The following ZNF254 variants were observed in gnomAD, a reference collection of about 807,000 sequenced individuals.
ZNF254 encodes the protein zinc finger protein 254, also known as CTD-2017D11.1.
ZNF254 carries 10 observed loss-of-function variants against 12.4 expected under a neutral mutation model. The ratio of observed to expected loss-of-function variants is 0.80; its 90% CI spans 0.50 to 1.36. The LOEUF is 1.36. Ranked by LOEUF, ZNF254 falls within the 40% of genes most tolerant of loss-of-function variation. ZNF254 has a pLI of 0.00. For missense variants in ZNF254, 996 were observed against 763.9 expected (o/e 1.30, Z -3.58); for synonymous variants, 305 against 253.4 (o/e 1.20, Z -1.93).
intron 2 of ZNF254, among the ~76,000 whole-genome samples, chr19:24,054,567 C>T (rs1970769731): frequency 6.6e-6 from 1 of 152,144 alleles, no homozygotes; most frequent in South Asian, 2.1e-4. Flanking sequence ...GAGATTGTTT[C>T]TTATATGCAC....
At chr19:24,106,762 A>T (rs62114842) in intron 3 of ZNF254, 119 bp downstream of exon 3, 1 of 941,888 alleles carries the variant, frequency 1.1e-6, no homozygotes, top group East Asian at 3.3e-5. Flanking sequence ...TGGGAAGCCT[A>T]AATTTTTTTT....
chr19:24,081,509 A>G (rs564803435), intron 2 of ZNF254, among the ~76,000 whole-genome samples: 1 of 152,272 alleles, frequency 6.6e-6, no homozygotes, highest in South Asian at 2.1e-4. Context: ...GCATGACTCT[A>G]CTCATTTGGG....
At chr19:24,059,018 C>T (rs977315525) in intron 2 of ZNF254, among the ~76,000 whole-genome samples, 13 of 152,220 alleles carry the variant, frequency 8.5e-5, no homozygotes, top group Admixed American at 2.6e-4. Context: ...CTCCTCTCTT[C>T]TTTCTAGGTT....
chr19:24,115,174 GGTAGATACCCAAAGGACTATAAATCAT>G (rs1340941791), intron 3 of ZNF254, among the ~76,000 whole-genome samples: 1 of 151,960 alleles, frequency 6.6e-6, no homozygotes, highest in African/African-American at 2.4e-5. Context: ...CCCATTACTG[GGTAGATACCCAAAGGACTATAAATCAT>G]GCTGCTATAA....
intron 2 of ZNF254, chr19:24,066,384 T>C (rs1348516647): frequency 6.6e-6 from 1 of 152,208 alleles, no homozygotes; most frequent in Non-Finnish European, 1.5e-5. Flanking sequence ...TGATTCTTCT[T>C]TTAGGTTTGC....
At chr19:24,058,942 C>G (rs1970966822) in intron 2 of ZNF254, among the ~76,000 whole-genome samples, 1 of 152,236 alleles carries the variant, frequency 6.6e-6, no homozygotes, top group South Asian at 2.1e-4. Flanking sequence ...CTGCCTTTTA[C>G]TGCCTAGTTC....
Position 24,105,445 on chromosome 19 carries a change from A to G in ZNF254, c.31-495A>G, listed in dbSNP as rs981309484. ...CTTTTGGGGCCAAAACATTGGCATT[A>G]CTGGTGAGCTTGGTAGAGATTCATT... On this transcript the variant is annotated intron_variant, in intron 1 of 3. Transcript: ENST00000357002. The G allele has an allele frequency of 5.4e-5, 14 of 260,742 alleles. 1 individual carries two copies. In the South Asian group the frequency reaches 5.7e-4, roughly 11 times the overall value. 16.2% of individuals were successfully genotyped at this position (260,742 alleles called of 1,614,324 possible).
intron 2 of ZNF254, among the ~76,000 whole-genome samples, chr19:24,063,223 G>T (rs1971141653): frequency 6.6e-6 from 1 of 152,204 alleles, no homozygotes; most frequent in African/African-American, 2.4e-5. Context: ...CTTGACTCAG[G>T]ACATGAGTGT....
chr19:24,063,729 C>A (rs1971164588), intron 2 of ZNF254: 1 of 151,706 alleles, frequency 6.6e-6, no homozygotes, highest in African/African-American at 2.4e-5. Context: ...TTGGGTTCTG[C>A]TCACAAAAGA....
chr19:24,097,934 G>A (rs1055765611), intron 1 of ZNF254, among the ~76,000 whole-genome samples: 8 of 151,970 alleles, frequency 5.3e-5, no homozygotes, highest in African/African-American at 1.9e-4. Flanking sequence ...AATTAGCATA[G>A]TTATGCAGTG....
At chr19:24,090,757 G>A (rs1287034138) in intron 1 of ZNF254, among the ~76,000 whole-genome samples, 1 of 152,072 alleles carries the variant, frequency 6.6e-6, no homozygotes, top group Admixed American at 6.6e-5. Context: ...TTTTAACTGT[G>A]TATTGCATTT....
chr19:24,088,462 A>G (rs576295303), intron 1 of ZNF254, among the ~76,000 whole-genome samples: 18 of 151,880 alleles, frequency 1.2e-4, no homozygotes, highest in Admixed American at 2.6e-4. Flanking sequence ...TTTCACATGT[A>G]TCCCAAGCAG....
chr19:24,108,565 C>A (rs183327634), intron 3 of ZNF254, among the ~76,000 whole-genome samples: 26 of 152,198 alleles, frequency 1.7e-4, no homozygotes, highest in African/African-American at 6.3e-4. Context: ...TGATCAAAAG[C>A]AATTCTCCAA....
chr19:24,111,419 G>T (rs1973674534), intron 3 of ZNF254, among the ~76,000 whole-genome samples: 1 of 152,162 alleles, frequency 6.6e-6, no homozygotes, highest in East Asian at 1.9e-4. Context: ...ACATACTTGT[G>T]CATGTGTCTT....
At chr19:24,078,923 A>C (rs1166092380) in intron 2 of ZNF254, 1 of 152,214 alleles carries the variant, frequency 6.6e-6, no homozygotes, top group African/African-American at 2.4e-5. Flanking sequence ...ACAAAACAGA[A>C]GTATCAGGTT....
chr19:24,117,170 T>G (rs1181609601), intron 3 of ZNF254, among the ~76,000 whole-genome samples: 2 of 152,178 alleles, frequency 1.3e-5, no homozygotes, highest in East Asian at 3.8e-4. Context: ...GAGGAGTCTG[T>G]CTGCCTGTTC....
chr19:24,119,957 T>A (rs1974367454), intron 3 of ZNF254, among the ~76,000 whole-genome samples: 1 of 152,118 alleles, frequency 6.6e-6, no homozygotes, highest in Non-Finnish European at 1.5e-5. Context: ...GCATACTTTC[T>A]ATAAATATTA....
chr19:24,034,320 T>C (rs77544483), intron 1 of ZNF254, among the ~76,000 whole-genome samples: 4,826 of 152,158 alleles, frequency 0.032, 102 homozygotes, highest in Non-Finnish European at 0.048. Context: ...ACAGAACCTT[T>C]ATGCTTAGAG....
At chr19:24,073,074 T>C (rs1322282910) in intron 2 of ZNF254, among the ~76,000 whole-genome samples, 1 of 152,236 alleles carries the variant, frequency 6.6e-6, no homozygotes, top group East Asian at 1.9e-4. Flanking sequence ...AAAGGATTAC[T>C]TTTCTTTCAC....
Sources: gnomAD v4.1 joint callset for allele counts (sites outside exome capture counted in the v4.1 genomes callset) on GRCh38, gnomAD v4.1.1 for gene constraint, MANE v1.5 for transcripts, NCBI Gene and HGNC (gene_info 2026-07-23, HGNC 2026-07-21) for gene names.